Variants in LARGE1 observed in about 807,000 individuals in gnomAD.
The protein encoded by LARGE1 is xylosyl- and glucuronyltransferase LARGE1.
Under a neutral mutation model 87.6 loss-of-function variants are expected in LARGE1, and 43 were observed. That is an observed-to-expected ratio of 0.49 (90% CI 0.38 to 0.63). The LOEUF is 0.63. Among genes scored for constraint, LARGE1 ranks in the 30% least tolerant of loss-of-function variants. The probability of loss-of-function intolerance (pLI) is 0.00; values close to 1 mark genes in which losing one functional copy is unlikely to be tolerated. For missense variants in LARGE1, 802 were observed against 1,000.2 expected, an observed-to-expected ratio of 0.80 and a Z score of 2.67; for synonymous variants, 434 against 394.6, an observed-to-expected ratio of 1.10 and a Z score of -1.18.
the LARGE1 span, among the ~76,000 whole-genome samples, chr22:33,124,120 C>T: frequency 6.6e-6 from 1 of 152,168 alleles, no homozygotes; most frequent in South Asian, 2.1e-4. Flanking sequence ...AACCCCATAT[C>T]TGCTAAAAAT....
intron 1 of LARGE1, among the ~76,000 whole-genome samples, chr22:33,837,226 T>C (rs915041257): frequency 6.7e-5 from 10 of 148,832 alleles, no homozygotes; most frequent in African/African-American, 2.2e-4. Flanking sequence ...CCACTCCATA[T>C]ATATATATAT....
At chr22:33,743,499 A>T (rs2083966541) in intron 2 of LARGE1, among the ~76,000 whole-genome samples, 1 of 151,894 alleles carries the variant, frequency 6.6e-6, no homozygotes, top group Non-Finnish European at 1.5e-5. Context: ...CTACCTCCAA[A>T]ACCTATCCCC....
rs115301546 is a variant in LARGE1 at position 33,169,038 on chromosome 22, T to C, written c.1731-2206A>G. On this transcript the variant is annotated intron_variant, in intron 11 of 11. Transcript: ENST00000608642. ...TTGTCAAAGATAAGAATAAAATTGC[T>C]TGACCCACCACTGGACTATAAATGC... is the stretch of plus-strand genomic sequence containing the variant. Among the ~76,000 whole-genome samples, 408 of 152,284 alleles carry C rather than the reference T, an allele frequency of 2.7e-3. 3 individuals carry two copies. The highest frequency in any genetic ancestry group is 9.0e-3 in the African/African-American group (376 of 41,558).
chr22:33,445,869 C>T (rs749431183), intron 6 of LARGE1, among the ~76,000 whole-genome samples: 31 of 151,836 alleles, frequency 2.0e-4, no homozygotes, highest in Non-Finnish European at 3.7e-4. Context: ...AGGCTGGTCT[C>T]GAACTCCTGG....
intron 11 of LARGE1, among the ~76,000 whole-genome samples, chr22:33,259,054 A>C (rs1431794746): frequency 1.3e-5 from 2 of 151,812 alleles, no homozygotes; most frequent in Non-Finnish European, 2.9e-5. Flanking sequence ...ATATATTTGT[A>C]TTTTTAGTAG....
chr22:33,690,206 T>A (rs757962891), intron 2 of LARGE1, among the ~76,000 whole-genome samples: 1 of 151,964 alleles, frequency 6.6e-6, no homozygotes, highest in Non-Finnish European at 1.5e-5. Context: ...ACCCAAAAAG[T>A]AGAAATGACA....
intron 2 of LARGE1, among the ~76,000 whole-genome samples, chr22:33,690,670 GAAAA>G (rs10711509): frequency 7.1e-6 from 1 of 140,938 alleles, no homozygotes; most frequent in African/African-American, 2.6e-5. Context: ...CAGAGAAGAG[GAAAA>G]AAAAAAAAAA....
chr22:33,446,139 C>A (rs2067678995), intron 6 of LARGE1, among the ~76,000 whole-genome samples: 1 of 152,104 alleles, frequency 6.6e-6, no homozygotes, highest in Non-Finnish European at 1.5e-5. Flanking sequence ...TGTAATGAAA[C>A]CAACATTAAA....
chr22:33,818,165 G>C (rs1469209403), intron 1 of LARGE1, among the ~76,000 whole-genome samples: 2 of 152,170 alleles, frequency 1.3e-5, no homozygotes, highest in Non-Finnish European at 2.9e-5. Context: ...CCTTCTCATA[G>C]GGCTTCTTGA....
At chr22:33,188,107 A>G (rs1024450557) in intron 11 of LARGE1, among the ~76,000 whole-genome samples, 9 of 151,882 alleles carry the variant, frequency 5.9e-5, no homozygotes, top group Non-Finnish European at 1.2e-4. Context: ...CTCAACTTAT[A>G]TGCATCAATT....
chr22:33,819,712 G>C (rs1044118136), intron 1 of LARGE1, among the ~76,000 whole-genome samples: 1 of 152,114 alleles, frequency 6.6e-6, no homozygotes, highest in Non-Finnish European at 1.5e-5. Flanking sequence ...GTGAAAGACT[G>C]CCCTGAATCT....
intron 7 of LARGE1, among the ~76,000 whole-genome samples, chr22:33,393,647 T>C (rs1469402164): frequency 6.6e-6 from 1 of 152,234 alleles, no homozygotes; most frequent in African/African-American, 2.4e-5. Context: ...CTTTGGCCTT[T>C]GCCTGGCATT....
intron 4 of LARGE1, among the ~76,000 whole-genome samples, chr22:33,611,536 T>G (rs554080831): frequency 1.3e-5 from 2 of 152,336 alleles, no homozygotes; most frequent in East Asian, 3.9e-4. Context: ...GTACCACCAT[T>G]GCATCTTGGA....
chr22:33,174,750 G>A (rs1922770814), intron 11 of LARGE1, among the ~76,000 whole-genome samples: 1 of 152,138 alleles, frequency 6.6e-6, no homozygotes, highest in African/African-American at 2.4e-5. Flanking sequence ...AGGAGAAATG[G>A]ATAAATTCCT....
intron 9 of LARGE1, among the ~76,000 whole-genome samples, chr22:33,347,774 C>T (rs932530014): frequency 6.6e-6 from 1 of 152,128 alleles, no homozygotes; most frequent in Non-Finnish European, 1.5e-5. Flanking sequence ...AGCCCCTCAT[C>T]TGTAGAAGGG....
chr22:33,530,209 C>T (rs1268250526), intron 6 of LARGE1, among the ~76,000 whole-genome samples: 2 of 152,162 alleles, frequency 1.3e-5, no homozygotes, highest in African/African-American at 2.4e-5. Flanking sequence ...CTATGGCAGC[C>T]ATCTTGCAAC....
intron 1 of LARGE1, among the ~76,000 whole-genome samples, chr22:33,823,552 A>G (rs1377445468): frequency 6.6e-6 from 1 of 152,228 alleles, no homozygotes; most frequent in Non-Finnish European, 1.5e-5. Context: ...ACACTTCCAG[A>G]ACACAGCCTC....
intron 12 of LARGE1, among the ~76,000 whole-genome samples, chr22:33,301,115 C>T (rs967521706): frequency 6.6e-6 from 1 of 152,190 alleles, no homozygotes; most frequent in African/African-American, 2.4e-5. Flanking sequence ...TCAACTCCCA[C>T]CAGTGATGCT....
At position 33,485,504 on chromosome 22, in the gene LARGE1, TA is replaced by T. The variant is rs200851503; in HGVS notation, c.788-53240del. Among the ~76,000 whole-genome samples the T allele has an allele frequency of 4.6e-3, 696 of 151,952 alleles. 5 individuals are homozygous for T. The highest frequency in any genetic ancestry group is 0.017 in the African/African-American group (687 of 41,474). On this transcript the variant is annotated intron_variant, in intron 6 of 14. Transcript: ENST00000397394. ...GTGCTGGGGAGTTCATTTTTTTAAA[TA>T]AAAAAAGGAATACATATTCCTTGCA... is the stretch of plus-strand genomic sequence containing the variant.
Sources: allele counts gnomAD v4.1 joint callset (sites outside exome capture counted in the v4.1 genomes callset), GRCh38; gene constraint gnomAD v4.1.1; transcripts MANE v1.5; gene names NCBI Gene and HGNC (gene_info 2026-07-23, HGNC 2026-07-21).